Variants in ADAM10 observed in about 807,000 individuals in gnomAD.
ADAM10 encodes the protein disintegrin and metalloproteinase domain-containing protein 10.
A neutral mutation model predicts 90.1 loss-of-function variants in ADAM10; 17 were observed. The ratio of observed to expected loss-of-function variants is 0.19; its 90% confidence interval spans 0.13 to 0.28. The LOEUF (loss-of-function observed/expected upper bound fraction) is 0.28. ADAM10 is among the 10% of genes least tolerant of loss of function. The pLI is 1.00. For missense variants in ADAM10, 610 were observed against 914.3 expected, an observed-to-expected ratio of 0.67 and a Z score of 4.29; for synonymous variants, 310 against 298.6, an observed-to-expected ratio of 1.04 and a Z score of -0.40.
At chr15:58,696,555 T>G (rs1463664155) in intron 2 of ADAM10, among the ~76,000 whole-genome samples, 2 of 148,410 alleles carry the variant, frequency 1.3e-5, no homozygotes, top group African/African-American at 5.0e-5. Flanking sequence ...AACCTCCGCC[T>G]CCCAGGTTCA....
chr15:58,662,058 G>A (rs1055086678), intron 5 of ADAM10, among the ~76,000 whole-genome samples: 1 of 151,880 alleles, frequency 6.6e-6, no homozygotes, highest in Non-Finnish European at 1.5e-5. Context: ...TATTTAGGTG[G>A]CTTTTCTCCT....
Position 58,714,486 on chromosome 15 carries a change from T to C in ADAM10, c.206+3091A>G, listed in dbSNP as rs112990788. On this transcript the variant is annotated intron_variant, in intron 2 of 15. Coordinates refer to ENST00000260408, the MANE Select transcript of ADAM10 (RefSeq NM_001110.4). ...TCAGATTCTAGGGGACTAAAGCCTATTATGTGAATAAAAAAAATAAACTCT... is the reference window on the plus strand; with the variant it reads ...TCAGATTCTAGGGGACTAAAGCCTACTATGTGAATAAAAAAAATAAACTCT... Among the ~76,000 whole-genome samples, 545 of 152,208 alleles carry C rather than the reference T, an allele frequency of 3.6e-3. 5 individuals carry two copies. The highest frequency in any genetic ancestry group is 0.013 in the African/African-American group (520 of 41,542).
chr15:58,713,920 G>C (rs1330790792), intron 2 of ADAM10, among the ~76,000 whole-genome samples: 1 of 151,050 alleles, frequency 6.6e-6, no homozygotes, highest in African/African-American at 2.4e-5. Context: ...TCAAGCGATT[G>C]TCATGCCTCA....
chr15:58,726,863 G>C (rs1459611312), intron 1 of ADAM10, among the ~76,000 whole-genome samples: 2 of 143,812 alleles, frequency 1.4e-5, no homozygotes, highest in Non-Finnish European at 3.0e-5. Flanking sequence ...AACAGAGAGA[G>C]ATCTCCATCT....
chr15:58,702,673 A>C (rs1269639598), intron 2 of ADAM10, among the ~76,000 whole-genome samples: 1 of 152,246 alleles, frequency 6.6e-6, no homozygotes, highest in East Asian at 1.9e-4. Flanking sequence ...TTTAAATTGG[A>C]TTAAAACCAC....
chr15:58,693,475 T>C (rs1159984108), intron 2 of ADAM10, among the ~76,000 whole-genome samples: 2 of 152,204 alleles, frequency 1.3e-5, no homozygotes, highest in Admixed American at 6.5e-5. Context: ...ATATAGATCA[T>C]GGCAATTCAA....
At chr15:58,740,848 C>T (rs765004465) in intron 1 of ADAM10, among the ~76,000 whole-genome samples, 10 of 152,066 alleles carry the variant, frequency 6.6e-5, no homozygotes, top group Middle Eastern at 3.2e-3. Context: ...TTCTTTAATT[C>T]TATTTTCTAA....
chr15:58,657,775 G>A (rs1596036952), intron 5 of ADAM10, among the ~76,000 whole-genome samples: 1 of 152,092 alleles, frequency 6.6e-6, no homozygotes, highest in South Asian at 2.1e-4. Context: ...GTTCACGTCT[G>A]GGCATTGAAG....
intron 1 of ADAM10, among the ~76,000 whole-genome samples, chr15:58,718,141 AAAAAATAAAAT>A (rs1198980621): frequency 6.6e-6 from 1 of 152,076 alleles, no homozygotes; most frequent in African/African-American, 2.4e-5. Flanking sequence ...TAATAAAAAT[AAAAAATAAAAT>A]AAAAATAAAT....
chr15:58,668,985 T>C (rs1410334067), intron 4 of ADAM10, among the ~76,000 whole-genome samples: 1 of 152,174 alleles, frequency 6.6e-6, no homozygotes, highest in Non-Finnish European at 1.5e-5. Flanking sequence ...TCCTAACTGC[T>C]TTACAGATTG....
intron 2 of ADAM10, among the ~76,000 whole-genome samples, chr15:58,695,198 T>C (rs537831823): frequency 6.6e-6 from 1 of 152,138 alleles, no homozygotes; most frequent in Non-Finnish European, 1.5e-5. Flanking sequence ...GCTTCCCAGG[T>C]ACAAGAACTC....
chr15:58,653,150 T>C (rs1448501550), intron 5 of ADAM10, among the ~76,000 whole-genome samples: 1 of 152,210 alleles, frequency 6.6e-6, no homozygotes, highest in East Asian at 1.9e-4. Flanking sequence ...TATAAGATTA[T>C]ATCATCTGCA....
chr15:58,738,258 A>G, intron 1 of ADAM10, among the ~76,000 whole-genome samples: 1 of 152,200 alleles, frequency 6.6e-6, no homozygotes. Context: ...TGTGTTGACC[A>G]ATGCTTCCTT....
chr15:58,598,646 G>T (rs928605414), intron 15 of ADAM10, among the ~76,000 whole-genome samples: 1 of 152,176 alleles, frequency 6.6e-6, no homozygotes, highest in Non-Finnish European at 1.5e-5. Context: ...ATTTAGTTCT[G>T]GCTCTCCCCT....
chr15:58,749,470 C>T lies in ADAM10; in HGVS notation c.55+10G>A, dbSNP rs1347493623. The T allele has an allele frequency of 3.2e-6, 5 of 1,541,050 alleles. No individual in the cohort carries two copies. Among genetic ancestry groups the T allele is most frequent in the African/African-American group, 1.4e-5 (1 of 71,758 alleles). ...TCGCGGCGCCCCCGGCGCTCGCAGT[C>T]GTGCCTCACCTCCCATCCCCGCCGC... is the stretch of plus-strand genomic sequence containing the variant. On this transcript the variant is annotated intron_variant, in intron 1 of 15. Coordinates refer to ENST00000260408, the MANE Select transcript of ADAM10 (RefSeq NM_001110.4).
At chr15:58,683,364 A>G (rs922518714) in intron 2 of ADAM10, among the ~76,000 whole-genome samples, 1 of 152,158 alleles carries the variant, frequency 6.6e-6, no homozygotes, top group Non-Finnish European at 1.5e-5. Context: ...ATAAAGTTGT[A>G]TGGGGAAACA....
Position 58,678,996 on chromosome 15 carries a change from T to C in ADAM10, c.484+128A>G, listed in dbSNP as rs543895463. 23 of 933,380 alleles carry C rather than the reference T, an allele frequency of 2.5e-5. No homozygotes were observed. In the East Asian group the frequency reaches 6.1e-4, roughly 25 times the overall value. The allele number at this position is 933,380 out of a possible 1,614,324, so 57.8% of individuals were successfully genotyped here. On this transcript the variant is annotated intron_variant, in intron 4 of 15. Transcript: ENST00000260408. ...CTATTCCTTAAATAGCAATTGCTAG[T>C]AAAAACTATGTTCTAGCCTGATTAG...
intron 1 of ADAM10, among the ~76,000 whole-genome samples, chr15:58,736,675 G>C (rs1899440923): frequency 6.6e-6 from 1 of 151,930 alleles, no homozygotes; most frequent in South Asian, 2.1e-4. Flanking sequence ...CAGGTGAAAG[G>C]CATACAAATA....
intron 10 of ADAM10, among the ~76,000 whole-genome samples, chr15:58,625,949 G>A (rs746278545): frequency 3.9e-5 from 6 of 152,048 alleles, no homozygotes; most frequent in Non-Finnish European, 8.8e-5. Context: ...TTTTTTAGAA[G>A]TGACAAAATT....
Sources: allele counts gnomAD v4.1 joint callset (sites outside exome capture counted in the v4.1 genomes callset), GRCh38; gene constraint gnomAD v4.1.1; transcripts MANE v1.5; gene names NCBI Gene and HGNC (gene_info 2026-07-23, HGNC 2026-07-21).